The following VWA3B variants were observed in gnomAD, a reference collection of about 807,000 sequenced individuals.
VWA3B encodes von Willebrand factor A domain-containing protein 3B.
Under a neutral mutation model 158.3 loss-of-function variants are expected in VWA3B, and 138 were observed. The observed-to-expected ratio is 0.87, with a 90% confidence interval of 0.76 to 1.00. The LOEUF (loss-of-function observed/expected upper bound fraction) is 1.00, where lower values mean the gene tolerates loss of function less well. Among genes scored for constraint, VWA3B ranks in the 50% least tolerant of loss-of-function variants. VWA3B has a pLI of 0.00. For synonymous variants in VWA3B, 596 were observed against 587.3 expected (o/e 1.01, Z -0.21); for missense variants, 1,555 against 1,565.1 (o/e 0.99, Z 0.11).
intron 3 of VWA3B, 65 bp downstream of exon 3, chr2:98,115,811 A>G: frequency 7.5e-7 from 1 of 1,330,188 alleles, no homozygotes; most frequent in Non-Finnish European, 1.1e-6. Flanking sequence ...CGGAGAGTGC[A>G]GTGTGGGGAG....
intron 12 of VWA3B, among the ~76,000 whole-genome samples, chr2:98,195,284 T>C (rs1681947383): frequency 6.6e-6 from 1 of 152,202 alleles, no homozygotes; most frequent in African/African-American, 2.4e-5. Context: ...TCCGTATCTT[T>C]TCTTAAAAAG....
chr2:98,105,924 TA>T (rs1290841441), intron 2 of VWA3B, among the ~76,000 whole-genome samples: 4 of 152,058 alleles, frequency 2.6e-5, no homozygotes, highest in South Asian at 2.1e-4. Flanking sequence ...TTATTTGATT[TA>T]TTTTTTTTGA....
intron 22 of VWA3B, among the ~76,000 whole-genome samples, chr2:98,287,257 A>G (rs1227042117): frequency 6.6e-6 from 1 of 152,076 alleles, no homozygotes; most frequent in African/African-American, 2.4e-5. Context: ...GAGACACTGG[A>G]GAGAACAAAT....
the VWA3B span, among the ~76,000 whole-genome samples, chr2:98,327,562 A>G: frequency 5.3e-5 from 8 of 152,338 alleles, no homozygotes; most frequent in South Asian, 1.7e-3. Flanking sequence ...TTCCAGTTGA[A>G]GAGCTCTTCT....
chr2:98,255,999 T>C, intron 20 of VWA3B, 125 bp from the exon 21 acceptor site: 2 of 1,011,888 alleles, frequency 2.0e-6, no homozygotes, highest in Non-Finnish European at 3.0e-6. Flanking sequence ...TTTAAGCACA[T>C]GACAGTGGCC....
intron 2 of VWA3B, among the ~76,000 whole-genome samples, chr2:98,094,951 T>C (rs533708902): frequency 7.9e-5 from 12 of 152,316 alleles, no homozygotes; most frequent in Admixed American, 6.5e-4. Flanking sequence ...TGGATTTATT[T>C]TTTGGCTCTC....
chr2:98,213,241 G>C (rs1244488259), intron 13 of VWA3B, among the ~76,000 whole-genome samples: 4 of 152,174 alleles, frequency 2.6e-5, no homozygotes, highest in Non-Finnish European at 4.4e-5. Flanking sequence ...CAGGGTGGAG[G>C]TGAAAAACGT....
chr2:98,220,252 G>A (rs1684386913), intron 14 of VWA3B, among the ~76,000 whole-genome samples: 1 of 151,186 alleles, frequency 6.6e-6, no homozygotes, highest in African/African-American at 2.4e-5. Flanking sequence ...TTAAAGGGGA[G>A]TACTTTAGAC....
At chr2:98,321,398 G>A in the VWA3B span, among the ~76,000 whole-genome samples, 11 of 152,220 alleles carry the variant, frequency 7.2e-5, no homozygotes, top group African/African-American at 2.4e-4. Flanking sequence ...AGAATGGTAG[G>A]TCCACCAACA....
intron 5 of VWA3B, among the ~76,000 whole-genome samples, chr2:98,127,963 T>C (rs376255101): frequency 2.6e-5 from 4 of 152,152 alleles, no homozygotes; most frequent in Admixed American, 2.0e-4. Flanking sequence ...TGCGATATAT[T>C]TGTGGCCCAG....
At chr2:98,280,258 T>A (rs749799996) in intron 22 of VWA3B, among the ~76,000 whole-genome samples, 1 of 152,224 alleles carries the variant, frequency 6.6e-6, no homozygotes, top group Non-Finnish European at 1.5e-5. Context: ...AGGTTTACTT[T>A]CAAGATAGGG....
chr2:98,170,437 C>G (rs978360597), intron 8 of VWA3B, among the ~76,000 whole-genome samples: 1 of 152,162 alleles, frequency 6.6e-6, no homozygotes, highest in African/African-American at 2.4e-5. Context: ...TTCATTCAGG[C>G]TCTGCAGGCA....
intron 7 of VWA3B, among the ~76,000 whole-genome samples, chr2:98,139,330 C>A (rs1445467620): frequency 1.3e-5 from 2 of 152,214 alleles, no homozygotes; most frequent in Non-Finnish European, 2.9e-5. Context: ...CCGACGAGCG[C>A]CACCCCCTGC....
intron 22 of VWA3B, among the ~76,000 whole-genome samples, chr2:98,277,573 G>A (rs368292836): frequency 1.3e-5 from 2 of 152,186 alleles, no homozygotes; most frequent in Admixed American, 6.5e-5. Flanking sequence ...AAAGGAGGCC[G>A]TGGAAAGTTA....
At chr2:98,098,526 G>GCTACC (rs1682868059) in intron 2 of VWA3B, among the ~76,000 whole-genome samples, 1 of 151,886 alleles carries the variant, frequency 6.6e-6, no homozygotes, top group African/African-American at 2.4e-5. Flanking sequence ...CATAAACATA[G>GCTACC]CTACCCCTGT....
At chr2:98,197,289 A>G (rs930951155) in intron 12 of VWA3B, among the ~76,000 whole-genome samples, 1 of 152,250 alleles carries the variant, frequency 6.6e-6, no homozygotes, top group African/African-American at 2.4e-5. Flanking sequence ...CTGAAGGCAC[A>G]CATGATGCTG....
intron 20 of VWA3B, 76 bp from the exon 21 acceptor site, chr2:98,256,048 C>T (rs1217754796): frequency 2.6e-6 from 4 of 1,534,438 alleles, no homozygotes; most frequent in Non-Finnish European, 9.0e-7. Flanking sequence ...GCTCCCACTG[C>T]GGTGCCTGGG....
chr2:98,236,944 G>A (rs1349784855), intron 19 of VWA3B: 3 of 561,126 alleles, frequency 5.3e-6, no homozygotes, highest in Non-Finnish European at 8.9e-6. Context: ...GGAAGGCTGT[G>A]GTGGGTGGAT....
Position 98,295,274 on chromosome 2 carries a change from G to A in VWA3B, c.3158-2633G>A, listed in dbSNP as rs560394217. On this transcript the variant is annotated intron_variant, in intron 23 of 27. Coordinates refer to ENST00000477737, the MANE Select transcript of VWA3B (RefSeq NM_144992.5). ...GAATTTAAGCCGGGCTTTGTATATC[G>A]GAAGGTTCTTAGAGCCAAAGGTTTA... Among the ~76,000 whole-genome samples the A allele has an allele frequency of 6.6e-5, 10 of 152,202 alleles. No individual in the cohort carries two copies. In the East Asian group the frequency reaches 1.7e-3, roughly 26 times the overall value.
Sources: allele counts gnomAD v4.1 joint callset (sites outside exome capture counted in the v4.1 genomes callset), GRCh38; gene constraint gnomAD v4.1.1; transcripts MANE v1.5; gene names NCBI Gene and HGNC (gene_info 2026-07-23, HGNC 2026-07-21).